The following PARVB variants were observed in gnomAD, a reference collection of about 807,000 sequenced individuals.
PARVB encodes the protein parvin beta.
Under a neutral mutation model 47.0 loss-of-function variants are expected in PARVB, and 46 were observed. That is an observed-to-expected ratio of 0.98 (90% CI 0.77 to 1.25). The LOEUF is 1.25. Among genes scored for constraint, PARVB ranks in the 50% most tolerant of loss-of-function variants. The pLI, the probability that PARVB is intolerant of heterozygous loss-of-function variation, is 0.00. For missense variants in PARVB, 473 were observed against 471.6 expected (o/e 1.00, Z -0.03); for synonymous variants, 196 against 196.3 (o/e 1.00, Z 0.01).
chr22:44,151,108 C>T (rs868121144), intron 9 of PARVB: 16 of 171,526 alleles, frequency 9.3e-5, no homozygotes, highest in Non-Finnish European at 1.3e-4. Flanking sequence ...CTGAGTATGC[C>T]GTTTATTGTT....
chr22:44,069,262 T>C (rs1021220210), intron 1 of PARVB: 17 of 1,106,916 alleles, frequency 1.5e-5, no homozygotes, highest in Admixed American at 1.0e-4. Flanking sequence ...TTTGCAAGAA[T>C]GGACCCTGGG....
intron 2 of PARVB, among the ~76,000 whole-genome samples, chr22:44,012,107 G>T (rs988915433): frequency 6.6e-6 from 1 of 152,112 alleles, no homozygotes; most frequent in Non-Finnish European, 1.5e-5. Context: ...TTTAAAGGGG[G>T]CATAATCTTT....
At chr22:44,123,169 T>G (rs2053108879) in intron 4 of PARVB, among the ~76,000 whole-genome samples, 1 of 152,190 alleles carries the variant, frequency 6.6e-6, no homozygotes, top group African/African-American at 2.4e-5. Context: ...GCAGACATGA[T>G]GTAATATTTC....
chr22:44,063,281 C>T (rs1318122920), intron 1 of PARVB, among the ~76,000 whole-genome samples: 6 of 150,344 alleles, frequency 4.0e-5, no homozygotes, highest in African/African-American at 1.2e-4. Context: ...GGCTGGAGTG[C>T]AGTGGTGTGA....
At chr22:44,058,989 G>T (rs942036086) in intron 1 of PARVB, among the ~76,000 whole-genome samples, 9 of 148,382 alleles carry the variant, frequency 6.1e-5, no homozygotes, top group African/African-American at 2.3e-4. Flanking sequence ...ATGGGGGGGG[G>T]AAACAGAAGC....
At chr22:44,070,472 A>T (rs1183824571) in intron 1 of PARVB, among the ~76,000 whole-genome samples, 1 of 152,156 alleles carries the variant, frequency 6.6e-6, no homozygotes, top group African/African-American at 2.4e-5. Context: ...AAGGAGAGGG[A>T]CGCTGTGCCT....
chr22:44,069,824 C>T (rs561037532), intron 1 of PARVB, among the ~76,000 whole-genome samples: 27 of 152,222 alleles, frequency 1.8e-4, no homozygotes, highest in South Asian at 4.2e-4. Flanking sequence ...CCACCGCGCC[C>T]GGCCATGGGT....
chr22:44,053,523 A>C (rs2051250250), intron 1 of PARVB, among the ~76,000 whole-genome samples: 7 of 152,164 alleles, frequency 4.6e-5, no homozygotes, highest in Admixed American at 3.9e-4. Context: ...GCCCAGACTC[A>C]CAGCAACACA....
upstream of PARVB, among the ~76,000 whole-genome samples, chr22:44,021,808 C>T (rs1448157766): frequency 1.4e-5 from 2 of 141,264 alleles, no homozygotes; most frequent in Non-Finnish European, 3.0e-5. Context: ...CACACACACA[C>T]ACACACACAG....
At chr22:44,110,745 A>G (rs2052678393) in intron 3 of PARVB, 1 of 152,134 alleles carries the variant, frequency 6.6e-6, no homozygotes, top group Non-Finnish European at 1.5e-5. Context: ...AATTACAGGC[A>G]TGCACCACCA....
intron 10 of PARVB, 126 bp from the exon 11 acceptor site, chr22:44,157,856 G>A (rs1465650676): frequency 7.6e-6 from 5 of 654,220 alleles, no homozygotes. Context: ...TTGCATCAGT[G>A]CACTCCAGCC....
chr22:44,024,349 G>C lies in PARVB; in HGVS notation c.10G>C (p.Ala4Pro), dbSNP rs986959504. MSS[A>P]PRSPTPRPRR... ...GCCCCACGCGCGGCCCATGTCCTCC[G>C]CGCCGCGCTCGCCCACCCCGCGGCC... Residue 4 changes from alanine to proline, a missense_variant, in exon 1 of 13, where the codon GCG becomes CCG. Coordinates refer to ENST00000338758, the MANE Select transcript of PARVB (RefSeq NM_013327.5). 1.4e-5 allele frequency: 16 copies of C among 1,110,374 alleles called. No homozygotes were observed. The highest frequency in any genetic ancestry group is 1.7e-5 in the African/African-American group (1 of 59,662). The allele number at this position is 1,110,374 out of a possible 1,614,324, so 68.8% of individuals were successfully genotyped here. A position where few individuals can be genotyped will look rare whatever the true frequency, so the allele number is the denominator to read the frequency against.
intron 4 of PARVB, among the ~76,000 whole-genome samples, chr22:44,127,240 A>G (rs886410608): frequency 7.3e-6 from 1 of 137,002 alleles, no homozygotes; most frequent in African/African-American, 2.6e-5. Flanking sequence ...GTGGTTTGAC[A>G]TATTAAAACC....
At chr22:44,075,553 T>C (rs2051751247) in intron 1 of PARVB, among the ~76,000 whole-genome samples, 1 of 152,116 alleles carries the variant, frequency 6.6e-6, no homozygotes, top group Non-Finnish European at 1.5e-5. Flanking sequence ...GGGACCCCCA[T>C]GGTAGCAGTG....
chr22:44,028,324 T>C (rs5764471), intron 1 of PARVB, among the ~76,000 whole-genome samples: 1 of 152,130 alleles, frequency 6.6e-6, no homozygotes, highest in Non-Finnish European at 1.5e-5. Context: ...TTTGTTTTTT[T>C]GGTTTTTGTT....
intron 1 of PARVB, among the ~76,000 whole-genome samples, chr22:44,035,667 G>A (rs1049273815): frequency 1.3e-5 from 2 of 152,000 alleles, no homozygotes; most frequent in African/African-American, 2.4e-5. Context: ...CACCGCGCCC[G>A]TCCGTCAAGG....
chr22:44,083,663 G>A (rs2051959275), intron 1 of PARVB, among the ~76,000 whole-genome samples: 2 of 152,144 alleles, frequency 1.3e-5, no homozygotes, highest in Non-Finnish European at 1.5e-5. Flanking sequence ...ACCTACAGAA[G>A]TGGCCTGGAA....
intron 2 of PARVB, among the ~76,000 whole-genome samples, chr22:44,014,919 C>T (rs1362334658): frequency 1.7e-4 from 26 of 151,654 alleles, no homozygotes; most frequent in Admixed American, 1.7e-3. Flanking sequence ...GGTGCAATCT[C>T]AGCTCACTGC....
chr22:44,156,905 G>A (rs753346500), intron 10 of PARVB, among the ~76,000 whole-genome samples: 1 of 152,190 alleles, frequency 6.6e-6, no homozygotes, highest in Non-Finnish European at 1.5e-5. Flanking sequence ...GGGGGACAGA[G>A]TGTCACTTTG....
Sources: allele counts gnomAD v4.1 joint callset (sites outside exome capture counted in the v4.1 genomes callset), GRCh38; gene constraint gnomAD v4.1.1; transcripts MANE v1.5; gene names NCBI Gene and HGNC (gene_info 2026-07-23, HGNC 2026-07-21).